PTPRB: variants seen among roughly 807,000 people sequenced by gnomAD.
PTPRB encodes receptor-type tyrosine-protein phosphatase beta.
In PTPRB, 97 loss-of-function variants were observed where a neutral mutation model predicts 238.1. The observed-to-expected ratio is 0.41, with a 90% CI of 0.35 to 0.48. The LOEUF (loss-of-function observed/expected upper bound fraction) is 0.48, where lower values mean the gene tolerates loss of function less well. Among genes scored for constraint, PTPRB ranks in the 20% least tolerant of loss-of-function variants. PTPRB has a pLI of 0.30. For synonymous variants in PTPRB, 970 were observed against 995.4 expected, an observed-to-expected ratio of 0.97 and a Z score of 0.48; for missense variants, 2,292 against 2,681.9, an observed-to-expected ratio of 0.85 and a Z score of 3.21.
At chr12:70,580,458 G>C (rs1881255262) in intron 10 of PTPRB, among the ~76,000 whole-genome samples, 1 of 152,180 alleles carries the variant, frequency 6.6e-6, no homozygotes, top group Non-Finnish European at 1.5e-5. Context: ...ACATTTCAAA[G>C]GAAATCAACT....
chr12:70,557,274 C>T (rs1877831680), intron 18 of PTPRB, among the ~76,000 whole-genome samples: 1 of 152,288 alleles, frequency 6.6e-6, no homozygotes, highest in South Asian at 2.1e-4. Flanking sequence ...AAATTGAGTA[C>T]TGGAATGATT....
intron 7 of PTPRB, among the ~76,000 whole-genome samples, chr12:70,591,454 A>G (rs1882482393): frequency 6.6e-6 from 1 of 152,208 alleles, no homozygotes. Flanking sequence ...AAATAACAAG[A>G]CATCTCTCAC....
chr12:70,599,181 G>T (rs951106817), intron 4 of PTPRB, among the ~76,000 whole-genome samples: 10 of 152,072 alleles, frequency 6.6e-5, no homozygotes, highest in African/African-American at 2.2e-4. Context: ...TCTATCAGGG[G>T]TGCACATTTC....
chr12:70,630,863 A>G (rs1319914772), intron 2 of PTPRB, among the ~76,000 whole-genome samples: 1 of 152,166 alleles, frequency 6.6e-6, no homozygotes, highest in African/African-American at 2.4e-5. Flanking sequence ...TAGGAATCCA[A>G]CTTACAAGGG....
rs1199430629 is a variant in PTPRB at position 70,594,679 on chromosome 12, G to C, written c.1304C>G (p.Ser435Cys). 7 of 1,613,918 alleles carry C rather than the reference G, an allele frequency of 4.3e-6. No individual in the cohort carries two copies. Among genetic ancestry groups the C allele is most frequent in the Admixed American group, 1.7e-5 (1 of 60,004 alleles). The change falls in exon 6 of 34, where the codon TCT (serine) becomes TGT (cysteine). Residue 435 changes from serine to cysteine, a missense_variant. Around this residue, in one of 4 missense-constraint regions of PTPRB, gnomAD observed 1,205 missense variants for 1,287.8 expected, o/e 0.94. Transcript: ENST00000334414. Reference sequence around the variant, plus strand: ...ACCATGGGACCAGGAAATCAGGAGAGAATTGGCTTTTGTGGAAATACCAAT... The same window carrying C: ...ACCATGGGACCAGGAAATCAGGAGACAATTGGCTTTTGTGGAAATACCAAT... ...KDIGISTKAN[S>C]LLISWSHGSG...
intron 18 of PTPRB, among the ~76,000 whole-genome samples, chr12:70,556,386 C>T (rs1056338581): frequency 4.6e-5 from 7 of 152,132 alleles, no homozygotes; most frequent in Non-Finnish European, 8.8e-5. Flanking sequence ...TTAAAGAATG[C>T]CTTGATGGGC....
At chr12:70,548,342 TCTCTCACACACA>T (rs1291292963) in intron 21 of PTPRB, among the ~76,000 whole-genome samples, 88 of 58,414 alleles carry the variant, frequency 1.5e-3, no homozygotes, top group Middle Eastern at 5.6e-3. Flanking sequence ...TCTCTCTCTC[TCTCTCACACACA>T]CACACACACA....
At chr12:70,566,745 C>T in intron 14 of PTPRB, 41 bp from the exon 15 acceptor site, 1 of 1,591,852 alleles carries the variant, frequency 6.3e-7, no homozygotes, top group Non-Finnish European at 8.6e-7. Flanking sequence ...CAGATTTTAT[C>T]ACTTAGGGTA....
intron 30 of PTPRB, 73 bp downstream of exon 30, chr12:70,534,760 C>T (rs1873832202): frequency 1.2e-6 from 2 of 1,600,096 alleles, no homozygotes; most frequent in South Asian, 1.1e-5. Flanking sequence ...AAGAGAGGAA[C>T]CAGCGAAAGT....
chr12:70,536,512 A>C (rs1386693376), intron 28 of PTPRB, among the ~76,000 whole-genome samples: 1 of 152,130 alleles, frequency 6.6e-6, no homozygotes, highest in South Asian at 2.1e-4. Flanking sequence ...TTAATGTAGA[A>C]GAGTGTTAGT....
At chr12:70,625,374 C>G (rs1182721471) in intron 2 of PTPRB, among the ~76,000 whole-genome samples, 1 of 152,106 alleles carries the variant, frequency 6.6e-6, no homozygotes, top group Non-Finnish European at 1.5e-5. Context: ...GACCTGAAAC[C>G]TGCTATTATA....
At position 70,534,526 on chromosome 12, in the gene PTPRB, G is replaced by A; in HGVS notation, c.6330C>T (p.Asn2110=). ...CAGTGGGCCCAGCACCCGGGCTTCT[G>A]TTGATGTAGTCCCTGACAGTTCTCA... ...QFVRTVRDYI[N]RSPGAGPTVV... is the part of the protein sequence containing the mutation. The change falls in exon 31 of 34, where the codon AAC becomes AAT. Residue 2110 remains asparagine (N), a synonymous_variant. Coordinates refer to ENST00000334414, the MANE Select transcript of PTPRB (RefSeq NM_001109754.4). 1 of 1,613,462 alleles carries A rather than the reference G, an allele frequency of 6.2e-7. No homozygotes were observed. The highest frequency in any genetic ancestry group is 8.5e-7 in the Non-Finnish European group (1 of 1,179,732).
intron 21 of PTPRB, 89 bp from the exon 22 acceptor site, chr12:70,544,752 C>A: frequency 1.3e-6 from 1 of 785,136 alleles, no homozygotes; most frequent in Non-Finnish European, 2.0e-6. Context: ...GGGCGGGTTC[C>A]TGGTCAGTGG....
At chr12:70,523,322 T>C (rs867646328) in intron 33 of PTPRB, among the ~76,000 whole-genome samples, 1 of 152,208 alleles carries the variant, frequency 6.6e-6, no homozygotes, top group Admixed American at 6.5e-5. Context: ...TGGTTAATTT[T>C]TAAATTTATT....
At chr12:70,617,549 A>T (rs1288701336) in intron 3 of PTPRB, among the ~76,000 whole-genome samples, 1 of 151,932 alleles carries the variant, frequency 6.6e-6, no homozygotes, top group African/African-American at 2.4e-5. Flanking sequence ...GTGAAGGGGA[A>T]TTTTTTCCCA....
At chr12:70,569,502 C>G (rs1181613745) in intron 14 of PTPRB, among the ~76,000 whole-genome samples, 173 bp downstream of exon 14, 3 of 152,104 alleles carry the variant, frequency 2.0e-5, no homozygotes, top group Non-Finnish European at 4.4e-5. Context: ...TTGCAGATCT[C>G]TATTAAGAGA....
chr12:70,525,690 C>CCTGA (rs1297888591), intron 32 of PTPRB, among the ~76,000 whole-genome samples: 1 of 152,228 alleles, frequency 6.6e-6, no homozygotes. Context: ...CCTTATACTC[C>CCTGA]GTGAGTTCTC....
At chr12:70,611,987 A>T (rs915852109) in intron 3 of PTPRB, among the ~76,000 whole-genome samples, 6 of 152,090 alleles carry the variant, frequency 3.9e-5, no homozygotes, top group Non-Finnish European at 4.4e-5. Context: ...GCCTTTTCCC[A>T]GTTTTATTCC....
chr12:70,529,681 T>A (rs1430472211), intron 32 of PTPRB, among the ~76,000 whole-genome samples: 6 of 152,160 alleles, frequency 3.9e-5, no homozygotes, highest in Non-Finnish European at 4.4e-5. Flanking sequence ...CAGGGTTATA[T>A]AATTCTGCAA....
Sources: allele counts gnomAD v4.1 joint callset (sites outside exome capture counted in the v4.1 genomes callset), GRCh38; gene constraint gnomAD v4.1.1; regional missense constraint gnomAD v4.1.1; transcripts MANE v1.5; gene names NCBI Gene and HGNC (gene_info 2026-07-23, HGNC 2026-07-21).